The following CPS1 variants were observed in gnomAD, a reference collection of about 807,000 sequenced individuals.
The protein encoded by CPS1 is carbamoyl-phosphate synthase 1.
CPS1 carries 109 observed loss-of-function variants against 174.6 expected under a neutral mutation model. That is an observed-to-expected ratio of 0.62 (90% CI 0.53 to 0.73). CPS1 has a LOEUF of 0.73. CPS1 is among the 30% of genes least tolerant of loss of function. The pLI is 0.00. For missense variants in CPS1, 1,689 were observed against 1,821.9 expected, an observed-to-expected ratio of 0.93 and a Z score of 1.33; for synonymous variants, 637 against 632.0, an observed-to-expected ratio of 1.01 and a Z score of -0.12.
rs780091328 is a variant in CPS1, at chr2:210,678,068, A to G, written c.*83A>G. The G allele has an allele frequency of 1.4e-5, 14 of 993,456 alleles. No homozygotes were observed. Among genetic ancestry groups the G allele is most frequent in the Non-Finnish European group, 2.1e-5 (13 of 613,354 alleles). The allele number at this position is 993,456 out of a possible 1,614,324, so 61.5% of individuals were successfully genotyped here. Reference sequence around the variant, plus strand: ...GAACTGATTCACAACTTTCTCAGAGATGAATATTGATAACTAAACTTCATT... The same window carrying G: ...GAACTGATTCACAACTTTCTCAGAGGTGAATATTGATAACTAAACTTCATT... On this transcript the variant is annotated 3_prime_UTR_variant, in exon 38 of 38. Coordinates refer to ENST00000233072, the MANE Select transcript of CPS1 (RefSeq NM_001875.5).
intron 1 of CPS1, among the ~76,000 whole-genome samples, chr2:210,543,082 G>A (rs561965402): frequency 7.0e-4 from 107 of 152,202 alleles, no homozygotes; most frequent in Non-Finnish European, 1.3e-3. Flanking sequence ...TGAGCAATTA[G>A]CAACCATCAC....
chr2:210,508,241 A>G (rs186881613), intron 1 of CPS1, among the ~76,000 whole-genome samples: 89,141 of 147,878 alleles, frequency 0.6, 27,096 homozygotes, highest in South Asian at 0.67. Context: ...AAACCACTCA[A>G]CTACACGGAA....
In CPS1 at chr2:210,513,186, C is replaced by A. The variant is rs574165942; in HGVS notation, c.3+35420C>A. Among the ~76,000 whole-genome samples, 756 of 145,222 alleles carry A rather than the reference C, an allele frequency of 5.2e-3. 13 individuals are homozygous for A. The highest frequency in any genetic ancestry group is 0.012 in the African/African-American group (475 of 38,990). On this transcript the variant is annotated intron_variant, in intron 1 of 38. Coordinates refer to the CPS1 transcript ENST00000430249. ...TATGTATGGATATATATATATATCT[C>A]TCTCTCTCCATAATGGGATTGCTGG...
At position 210,658,591 on chromosome 2, in the gene CPS1, T is replaced by C. The variant is rs1700802391; in HGVS notation, c.3667-8T>C. ...TAGCACACTATACGATTATGCTTTT[T>C]AATTCAGGTGAAGGATGCTACCCGG... On this transcript the variant is annotated splice_region_variant and splice_polypyrimidine_tract_variant and intron_variant, in intron 30 of 37. Transcript: ENST00000233072. 6.2e-7 allele frequency: 1 copy of C among 1,613,054 alleles called. No individual in the cohort carries two copies. Among genetic ancestry groups the C allele is most frequent in the Non-Finnish European group, 8.5e-7 (1 of 1,179,006 alleles).
intron 1 of CPS1, among the ~76,000 whole-genome samples, chr2:210,510,761 C>G (rs1574479725): frequency 6.6e-6 from 1 of 151,246 alleles, no homozygotes; most frequent in Admixed American, 6.6e-5. Context: ...ATTTATGCAG[C>G]CAAAAGACAC....
At chr2:210,549,586 T>A (rs1451299609) in intron 1 of CPS1, among the ~76,000 whole-genome samples, 2 of 152,078 alleles carry the variant, frequency 1.3e-5, no homozygotes, top group Admixed American at 6.6e-5. Context: ...TGTTCAGAAC[T>A]TATATTTCTA....
intron 1 of CPS1, among the ~76,000 whole-genome samples, chr2:210,563,512 T>A (rs1697174110): frequency 6.6e-6 from 1 of 152,098 alleles, no homozygotes; most frequent in South Asian, 2.1e-4. Context: ...GCTCCACATA[T>A]ACAAAAGCCT....
rs569836557 is a variant in CPS1 at position 210,608,347 on chromosome 2, T to C, written c.2193-14T>C. On this transcript the variant is annotated splice_polypyrimidine_tract_variant and intron_variant, in intron 18 of 37. Transcript: ENST00000233072. ...GCTCGAAGAAAAAAAAATAAATTTGTCTTCTTTTTATAGCTACCCATTGGC... is the reference window on the plus strand; with the variant it reads ...GCTCGAAGAAAAAAAAATAAATTTGCCTTCTTTTTATAGCTACCCATTGGC... 1.2e-6 allele frequency: 2 copies of C among 1,610,498 alleles called. No homozygotes were observed. Among genetic ancestry groups the C allele is most frequent in the African/African-American group, 2.7e-5 (2 of 74,870 alleles).
chr2:210,565,697 CTG>C (rs751506584), intron 1 of CPS1, among the ~76,000 whole-genome samples: 17 of 152,142 alleles, frequency 1.1e-4, no homozygotes, highest in Non-Finnish European at 2.2e-4. Context: ...ATCTCTCTCT[CTG>C]TATGAATTTT....
intron 14 of CPS1, 108 bp from the exon 15 acceptor site, chr2:210,600,447 G>A: frequency 1.8e-6 from 2 of 1,103,968 alleles, no homozygotes; most frequent in Non-Finnish European, 1.3e-6. Flanking sequence ...GTAGACAGTG[G>A]TAACTTCTCG....
chr2:210,497,366 T>G (rs1695014856), intron 1 of CPS1, among the ~76,000 whole-genome samples: 1 of 152,098 alleles, frequency 6.6e-6, no homozygotes, highest in African/African-American at 2.4e-5. Context: ...CTCGGGAGGT[T>G]TATACTTTAT....
At chr2:210,611,967 A>G (rs1272210351) in intron 19 of CPS1, 150 bp from the exon 20 acceptor site, 2 of 650,344 alleles carry the variant, frequency 3.1e-6, no homozygotes, top group Non-Finnish European at 4.9e-6. Context: ...AAAAAAAGGA[A>G]CACCTTTTTT....
intron 27 of CPS1, among the ~76,000 whole-genome samples, chr2:210,649,365 TTC>T (rs1170049621): frequency 3.3e-5 from 5 of 152,212 alleles, no homozygotes; most frequent in Non-Finnish European, 5.9e-5. Flanking sequence ...ACTATCACAC[TTC>T]TTTTTCCTTT....
rs571480296 is a variant in CPS1, at chr2:210,517,832, A to G, written c.4-38887A>G. Among the ~76,000 whole-genome samples the G allele has an allele frequency of 5.0e-4, 76 of 152,110 alleles. 1 individual carries two copies. The South Asian group carries it at 9.9e-3, about 20-fold the overall frequency. On this transcript the variant is annotated intron_variant, in intron 1 of 38. Coordinates refer to the CPS1 transcript ENST00000430249. Reference sequence around the variant, plus strand: ...TAATTTTGTCAAAACTCTTATGGCTATGCTGTAGTTTGAACTGGCCAACCA... The same window carrying G: ...TAATTTTGTCAAAACTCTTATGGCTGTGCTGTAGTTTGAACTGGCCAACCA...
rs534763088 is a variant in CPS1 at position 210,593,402 on chromosome 2, G to T, written c.1164+446G>T. 15 of 1,067,350 alleles carry T rather than the reference G, an allele frequency of 1.4e-5. No homozygotes were observed. In the East Asian group the frequency reaches 1.1e-3, roughly 79 times the overall value. 66.1% of individuals were successfully genotyped at this position (1,067,350 alleles called of 1,614,324 possible). The stretch of plus-strand genomic sequence containing the variant: ...GCAGCAGGAGAAGGAGGGGAAGGGT[G>T]TTGGAGGGGAGAGAGGGCATGCATG... On this transcript the variant is annotated intron_variant, in intron 11 of 37. Coordinates refer to ENST00000233072, the MANE Select transcript of CPS1 (RefSeq NM_001875.5).
intron 1 of CPS1, among the ~76,000 whole-genome samples, chr2:210,511,221 G>T (rs1695481089): frequency 6.6e-6 from 1 of 152,170 alleles, no homozygotes; most frequent in Non-Finnish European, 1.5e-5. Context: ...ATGAGTTCAT[G>T]TCCTTTGTAG....
chr2:210,585,020 A>G (rs1297583193), intron 6 of CPS1, among the ~76,000 whole-genome samples: 3 of 152,038 alleles, frequency 2.0e-5, no homozygotes, highest in Non-Finnish European at 4.4e-5. Flanking sequence ...TGAAGCTTCC[A>G]TGACTCATCT....
chr2:210,599,178 C>A (rs901455754), intron 13 of CPS1, among the ~76,000 whole-genome samples, 194 bp from the exon 14 acceptor site: 1 of 151,840 alleles, frequency 6.6e-6, no homozygotes, highest in South Asian at 2.1e-4. Context: ...TGGATAGTTT[C>A]ATTTTCAAGA....
intron 1 of CPS1, among the ~76,000 whole-genome samples, chr2:210,520,123 T>G (rs1695782920): frequency 6.6e-6 from 1 of 152,074 alleles, no homozygotes; most frequent in Non-Finnish European, 1.5e-5. Flanking sequence ...TTTGCTAAAT[T>G]TATATAACTT....
Sources: allele counts gnomAD v4.1 joint callset (sites outside exome capture counted in the v4.1 genomes callset), GRCh38; gene constraint gnomAD v4.1.1; transcripts MANE v1.5; gene names NCBI Gene and HGNC (gene_info 2026-07-23, HGNC 2026-07-21).